Variants in OPRM1 observed in about 807,000 individuals in gnomAD.
The protein encoded by OPRM1 is opioid receptor mu 1.
OPRM1 carries 27 observed loss-of-function variants against 31.8 expected under a neutral mutation model. That is an observed-to-expected ratio of 0.85 (90% CI 0.63 to 1.17). The LOEUF (loss-of-function observed/expected upper bound fraction) is 1.17. Among genes scored for constraint, OPRM1 ranks in the 50% most tolerant of loss-of-function variants. The pLI, the probability that OPRM1 is intolerant of heterozygous loss-of-function variation, is 0.00. For synonymous variants in OPRM1, 196 were observed against 189.9 expected, an observed-to-expected ratio of 1.03 and a Z score of -0.26; for missense variants, 536 against 511.1, an observed-to-expected ratio of 1.05 and a Z score of -0.47.
chr6:154,073,938 G>A (rs1787317360), intron 1 of OPRM1: 2 of 152,220 alleles, frequency 1.3e-5, no homozygotes, highest in Admixed American at 1.3e-4. Flanking sequence ...GTTGCAATGA[G>A]CCAAGATTGT....
chr6:154,046,042 G>A (rs894995309), intron 1 of OPRM1, among the ~76,000 whole-genome samples: 4 of 152,158 alleles, frequency 2.6e-5, no homozygotes, highest in Non-Finnish European at 4.4e-5. Flanking sequence ...ACACAAGGTC[G>A]TATCTCACAC....
At chr6:154,024,106 G>A (rs1778545322) in intron 1 of OPRM1, among the ~76,000 whole-genome samples, 1 of 152,086 alleles carries the variant, frequency 6.6e-6, no homozygotes, top group Admixed American at 6.5e-5. Context: ...AATAGTTTTA[G>A]TAGGATTGGC....
At chr6:154,209,346 T>A (rs1337811405) in intron 3 of OPRM1, among the ~76,000 whole-genome samples, 1 of 152,162 alleles carries the variant, frequency 6.6e-6, no homozygotes, top group African/African-American at 2.4e-5. Context: ...ACTAGCTCAA[T>A]TCACTCTCTG....
At chr6:154,197,630 G>T (rs184879232) in intron 3 of OPRM1, among the ~76,000 whole-genome samples, 68 of 152,320 alleles carry the variant, frequency 4.5e-4, no homozygotes, top group African/African-American at 1.6e-3. Context: ...AAAAGGGCTG[G>T]TGGTACCCAG....
chr6:154,083,603 A>T (rs1190047815), intron 1 of OPRM1: 1 of 152,416 alleles, frequency 6.6e-6, no homozygotes, highest in Non-Finnish European at 1.5e-5. Flanking sequence ...GGGAGAGGAC[A>T]AAAGAGCGAG....
intron 3 of OPRM1, among the ~76,000 whole-genome samples, chr6:154,162,615 C>G (rs936276149): frequency 6.6e-6 from 1 of 152,174 alleles, no homozygotes; most frequent in Admixed American, 6.5e-5. Flanking sequence ...CTACTTACTC[C>G]CACCTTAGTT....
In OPRM1 at chr6:154,083,943, C is replaced by CAAAA. The variant is rs57976654; in HGVS notation, c.291-5860_291-5857dup. On this transcript the variant is annotated intron_variant, in intron 1 of 3. Transcript: ENST00000330432. The stretch of plus-strand genomic sequence containing the variant: ...TGGGCGACAAAGGGAGACTCCGTCT[C>CAAAA]AAAAAAAAAAAAAAAAAAAAAAAAA... 1.5e-3 allele frequency among the ~76,000 whole-genome samples: 54 copies of CAAAA among 35,156 alleles called. 2 individuals carry two copies. The highest frequency in any genetic ancestry group is 5.5e-3 in the African/African-American group (50 of 9,104). The allele number at this position is 35,156 out of a possible 152,430, so 23.1% of individuals were successfully genotyped here. A position where few individuals can be genotyped will look rare whatever the true frequency, so the allele number is the denominator to read the frequency against.
intron 3 of OPRM1, among the ~76,000 whole-genome samples, chr6:154,231,241 T>C (rs1226102338): frequency 6.6e-6 from 1 of 152,146 alleles, no homozygotes; most frequent in Non-Finnish European, 1.5e-5. Context: ...TGAAGAAAAG[T>C]TAGGATAAAA....
At chr6:154,204,861 C>A (rs1388605018) in intron 3 of OPRM1, among the ~76,000 whole-genome samples, 1 of 152,174 alleles carries the variant, frequency 6.6e-6, no homozygotes, top group African/African-American at 2.4e-5. Flanking sequence ...TTCATTAGAG[C>A]TTAGAAGGTC....
In OPRM1 at chr6:154,091,344, A is replaced by G. The variant is rs771106503; in HGVS notation, c.1036A>G (p.Lys346Glu). The part of the protein sequence containing the change: ...VLYAFLDENF[K>E]RCFREFCIPT... ...TTATGCATTTCTGGATGAAAACTTC[A>G]AACGATGCTTCAGAGAGTTCTGTAT... Residue 346 changes from lysine to glutamate, a missense_variant, in exon 3 of 4, where the codon AAA (lysine) becomes GAA (glutamate). By Grantham distance (56) the Lys-to-Glu change is moderately conservative (BLOSUM62 1). Transcript: ENST00000330432. 6.2e-6 allele frequency: 10 copies of G among 1,614,072 alleles called. No individual in the cohort carries two copies. The African/African-American group carries it at 1.2e-4, about 19-fold the overall frequency.
chr6:154,021,910 C>A (rs1357749414), intron 1 of OPRM1, among the ~76,000 whole-genome samples: 2 of 151,950 alleles, frequency 1.3e-5, no homozygotes, highest in African/African-American at 4.8e-5. Context: ...CAAACAAAGG[C>A]AGTTCTATTT....
At chr6:154,210,389 T>C (rs1777868996) in intron 3 of OPRM1, among the ~76,000 whole-genome samples, 1 of 152,148 alleles carries the variant, frequency 6.6e-6, no homozygotes, top group South Asian at 2.1e-4. Flanking sequence ...ATTTGTATGT[T>C]ACAGGTTAAA....
chr6:154,067,103 A>G (rs1487874425), intron 1 of OPRM1, among the ~76,000 whole-genome samples: 44 of 151,982 alleles, frequency 2.9e-4, no homozygotes, highest in Non-Finnish European at 2.9e-5. Flanking sequence ...CAATTTTGCT[A>G]ATATTTTTGG....
At chr6:154,097,574 A>G (rs1793604836) in intron 3 of OPRM1, among the ~76,000 whole-genome samples, 1 of 139,912 alleles carries the variant, frequency 7.1e-6, no homozygotes, top group Non-Finnish European at 1.5e-5. Context: ...CAGTTTAAAA[A>G]GAAAATGGTT....
intron 3 of OPRM1, among the ~76,000 whole-genome samples, chr6:154,237,039 A>G (rs757148585): frequency 8.5e-5 from 13 of 152,210 alleles, no homozygotes; most frequent in Non-Finnish European, 1.3e-4. Flanking sequence ...AACATGCTCT[A>G]TGGAAGATTA....
chr6:154,025,644 A>C (rs67382893), intron 1 of OPRM1, among the ~76,000 whole-genome samples: 13,498 of 151,312 alleles, frequency 0.089, 1,067 homozygotes, highest in African/African-American at 0.21. Context: ...AAGGTAATTT[A>C]CTCTGGTTAT....
rs1484074646 is a variant in OPRM1, at chr6:154,184,926, G to GAAAC, written c.1165-61761_1165-61758dup. Among the ~76,000 whole-genome samples the GAAAC allele has an allele frequency of 2.6e-5, 4 of 152,150 alleles. No individual in the cohort carries two copies. In the East Asian group the frequency reaches 7.7e-4, roughly 29 times the overall value. The stretch of plus-strand genomic sequence containing the variant: ...CAGATAATGTTATAATGTGTCACAA[G>GAAAC]AAACAAACATATTTCTTGGTAATAA... On this transcript the variant is annotated intron_variant, in intron 3 of 3. Coordinates refer to the OPRM1 transcript ENST00000337049.
At chr6:154,175,275 G>C (rs1222899768) in intron 3 of OPRM1, among the ~76,000 whole-genome samples, 2 of 151,886 alleles carry the variant, frequency 1.3e-5, no homozygotes, top group East Asian at 3.9e-4. Flanking sequence ...AGAGAAGTAA[G>C]AGCAAACAAA....
chr6:154,011,132 G>A (rs1452944192), intron 1 of OPRM1: 2 of 977,492 alleles, frequency 2.0e-6, no homozygotes, highest in East Asian at 1.2e-4. Flanking sequence ...ATTCTACCTT[G>A]TCCCTGTGAT....
Sources: allele counts gnomAD v4.1 joint callset (sites outside exome capture counted in the v4.1 genomes callset), GRCh38; gene constraint gnomAD v4.1.1; transcripts MANE v1.5; gene names NCBI Gene and HGNC (gene_info 2026-07-23, HGNC 2026-07-21).